GAPVD1: variants seen among roughly 807,000 people sequenced by gnomAD.
GAPVD1 encodes GTPase-activating protein and VPS9 domain-containing protein 1.
Under a neutral mutation model 155.5 loss-of-function variants are expected in GAPVD1, and 35 were observed. That is an observed-to-expected ratio of 0.23 (90% CI 0.17 to 0.30). The LOEUF is 0.30. Among genes scored for constraint, GAPVD1 ranks in the 10% least tolerant of loss-of-function variants. The pLI is 1.00. For synonymous variants in GAPVD1, 636 were observed against 619.7 expected (o/e 1.03, Z -0.39); for missense variants, 1,429 against 1,775.7 (o/e 0.80, Z 3.51).
At chr9:125,336,810 T>A (rs1399844450) in intron 15 of GAPVD1, 6 of 545,328 alleles carry the variant, frequency 1.1e-5, no homozygotes, top group Non-Finnish European at 1.6e-5. Flanking sequence ...ACCACTTAAA[T>A]GTAAAGAAAA....
rs531146775 is a variant in GAPVD1, at chr9:125,355,185, C to T, written c.3757+344C>T. On this transcript the variant is annotated intron_variant, in intron 24 of 27. Coordinates refer to ENST00000297933, the MANE Select transcript of GAPVD1 (RefSeq NM_001282680.3). ...AGGCTGGAGTACAGTGGCGTGATCT[C>T]GGCTCACTGCAACCTCTGTCTCCCT... 1.2e-4 allele frequency among the ~76,000 whole-genome samples: 18 copies of T among 151,992 alleles called. 1 individual carries two copies. In the South Asian group the frequency reaches 3.1e-3, roughly 26 times the overall value.
intron 6 of GAPVD1, 52 bp from the exon 7 acceptor site, chr9:125,307,361 G>T (rs181695661): frequency 1.5e-5 from 20 of 1,318,120 alleles, no homozygotes; most frequent in Admixed American, 1.5e-4. Context: ...GAGAAATTTC[G>T]TTCCAGTATT....
intron 2 of GAPVD1, among the ~76,000 whole-genome samples, chr9:125,269,312 A>G (rs1056589990): frequency 6.6e-6 from 1 of 151,848 alleles, no homozygotes; most frequent in Admixed American, 6.6e-5. Context: ...TTTTCCTTCA[A>G]CTTTTGGGAG....
In GAPVD1 at chr9:125,359,761, C is replaced by G. The variant is rs938533829; in HGVS notation, c.4044+269C>G. 6 of 367,886 alleles carry G rather than the reference C, an allele frequency of 1.6e-5. No individual in the cohort carries two copies. In the Admixed American group the frequency reaches 2.2e-4, roughly 13 times the overall value. 22.8% of individuals were successfully genotyped at this position (367,886 alleles called of 1,614,324 possible). A position where few individuals can be genotyped will look rare whatever the true frequency, so the allele number is the denominator to read the frequency against. On this transcript the variant is annotated intron_variant, in intron 26 of 27. Coordinates refer to ENST00000297933, the MANE Select transcript of GAPVD1 (RefSeq NM_001282680.3). ...CCCTGCTCTCAGGGGCAGTACCTCT[C>G]CATCAGTGCTTTTATAGTCAGGTTT...
chr9:125,264,145 G>T (rs1005175357), intron 1 of GAPVD1: 5 of 690,886 alleles, frequency 7.2e-6, no homozygotes, highest in South Asian at 1.5e-5. Flanking sequence ...AGACGAAAGA[G>T]AATTTCATAA....
rs201168981 is a variant in GAPVD1 at position 125,349,405 on chromosome 9, G to T, written c.3185G>T (p.Gly1062Val). The change falls in exon 21 of 28, where the codon GGT (glycine) becomes GTT (valine). Residue 1062 changes from glycine to valine, a missense_variant. Around this residue, in one of 4 missense-constraint regions of GAPVD1, gnomAD observed 699 missense variants for 826.0 expected, o/e 0.85. Coordinates refer to ENST00000297933, the MANE Select transcript of GAPVD1 (RefSeq NM_001282680.3). ...TTTTGTTTAGAGGTTATGGGTGATG[G>T]TGAAAGTGCACATGATTCTCCCCGT... ...NYESTEVMGD[G>V]ESAHDSPRDE... 7.5e-5 allele frequency: 121 copies of T among 1,613,692 alleles called. No individual in the cohort carries two copies. The highest frequency in any genetic ancestry group is 9.7e-5 in the Non-Finnish European group (114 of 1,179,788).
intron 25 of GAPVD1, 70 bp from the exon 26 acceptor site, chr9:125,359,346 AAATC>A: frequency 1.2e-6 from 1 of 857,334 alleles, no homozygotes. Context: ...TGTTTTGTAA[AAATC>A]AATGATGACT....
At chr9:125,286,554 G>A (rs1047525439) in intron 2 of GAPVD1, among the ~76,000 whole-genome samples, 1 of 151,886 alleles carries the variant, frequency 6.6e-6, no homozygotes, top group African/African-American at 2.4e-5. Context: ...GTTATTTTAG[G>A]TATGCCTAAT....
chr9:125,264,290 G>T (rs1833466270), intron 1 of GAPVD1, among the ~76,000 whole-genome samples: 1 of 152,104 alleles, frequency 6.6e-6, no homozygotes, highest in African/African-American at 2.4e-5. Context: ...AGCTTCCTGG[G>T]TTCAAGCGAT....
At chr9:125,346,784 A>G (rs769609551) in intron 19 of GAPVD1, 35 bp from the exon 20 acceptor site, 5 of 1,578,444 alleles carry the variant, frequency 3.2e-6, no homozygotes, top group African/African-American at 1.3e-5. Flanking sequence ...TACAAACCCA[A>G]GGGGCTAATT....
intron 2 of GAPVD1, among the ~76,000 whole-genome samples, chr9:125,275,752 T>A (rs1835677848): frequency 6.6e-6 from 1 of 152,068 alleles, no homozygotes; most frequent in South Asian, 2.1e-4. Context: ...CGAGACTCTT[T>A]CTCAAAAGAA....
intron 11 of GAPVD1, among the ~76,000 whole-genome samples, chr9:125,324,504 G>A (rs1300673132): frequency 1.3e-5 from 2 of 152,056 alleles, no homozygotes; most frequent in African/African-American, 2.4e-5. Context: ...CAGGAGAATC[G>A]CTTGAACCCA....
At chr9:125,308,373 C>G in intron 8 of GAPVD1, 1 of 153,634 alleles carries the variant, frequency 6.5e-6, no homozygotes, top group Non-Finnish European at 1.4e-5. Context: ...TATGTAGCCC[C>G]CTCCTTTCTA....
intron 2 of GAPVD1, among the ~76,000 whole-genome samples, chr9:125,293,849 A>ATTTT (rs1316062463): frequency 2.1e-5 from 1 of 48,532 alleles, no homozygotes; most frequent in African/African-American, 1.1e-4. Flanking sequence ...ATAAAAATAT[A>ATTTT]TTTTATATAT....
At chr9:125,278,293 G>A (rs971515961) in intron 2 of GAPVD1, among the ~76,000 whole-genome samples, 2 of 152,104 alleles carry the variant, frequency 1.3e-5, no homozygotes, top group African/African-American at 2.4e-5. Flanking sequence ...GGCCTAGTCC[G>A]GCGGATCACC....
chr9:125,287,775 C>T (rs1319371716), intron 2 of GAPVD1: 1 of 152,142 alleles, frequency 6.6e-6, no homozygotes, highest in Non-Finnish European at 1.5e-5. Context: ...GAGTCTTGCT[C>T]TGTCACCTAG....
At chr9:125,276,129 G>A (rs899783776) in intron 2 of GAPVD1, among the ~76,000 whole-genome samples, 1 of 152,132 alleles carries the variant, frequency 6.6e-6, no homozygotes, top group Admixed American at 6.6e-5. Flanking sequence ...TTTGAACTGT[G>A]AATACTATCT....
rs1842102400 is a variant in GAPVD1, at chr9:125,307,877, A to G, written c.1438A>G (p.Ile480Val). 3.1e-6 allele frequency: 5 copies of G among 1,590,634 alleles called. No individual in the cohort carries two copies. The highest frequency in any genetic ancestry group is 4.3e-6 in the Non-Finnish European group (5 of 1,158,624). Residue 480 changes from isoleucine to valine, a missense_variant, in exon 8 of 28, where the codon ATA becomes GTA. By Grantham distance (29) the Ile-to-Val change is conservative. Coordinates refer to ENST00000297933, the MANE Select transcript of GAPVD1 (RefSeq NM_001282680.3). ...AGCAAATAAAAAGAATCGATTACCT[A>G]TAGGTAAAGAGAATTTCTCGTATTG... ...TPANKKNRLP[I>V]ATRSRSRTNM...
In GAPVD1 at chr9:125,298,894, C is replaced by T; in HGVS notation, c.-28C>T. ...TCTTTATCTTTTTACTCTTAGTGATCAGCCTTTGAGCCTTTCCCACATTGA... is the reference window on the plus strand; with the variant it reads ...TCTTTATCTTTTTACTCTTAGTGATTAGCCTTTGAGCCTTTCCCACATTGA... On this transcript the variant is annotated 5_prime_UTR_variant, in exon 4 of 28. Coordinates refer to ENST00000297933, the MANE Select transcript of GAPVD1 (RefSeq NM_001282680.3). 2.1e-6 allele frequency: 3 copies of T among 1,430,526 alleles called. No homozygotes were observed. Among genetic ancestry groups the T allele is most frequent in the Non-Finnish European group, 2.9e-6 (3 of 1,042,842 alleles). The allele number at this position is 1,430,526 out of a possible 1,614,324, so 88.6% of individuals were successfully genotyped here. A position where few individuals can be genotyped will look rare whatever the true frequency, so the allele number is the denominator to read the frequency against.
Sources: gnomAD v4.1 joint callset for allele counts (sites outside exome capture counted in the v4.1 genomes callset) on GRCh38, gnomAD v4.1.1 for gene constraint, gnomAD v4.1.1 regional missense constraint, MANE v1.5 for transcripts, NCBI Gene and HGNC (gene_info 2026-07-23, HGNC 2026-07-21) for gene names.